CCDC88A: variants seen among roughly 807,000 people sequenced by gnomAD.
CCDC88A encodes coiled-coil and HOOK domain protein 88A, also known as girdin.
CCDC88A carries 54 observed loss-of-function variants against 234.3 expected under a neutral mutation model. The observed-to-expected ratio is 0.23, with a 90% CI of 0.19 to 0.29. CCDC88A has a LOEUF of 0.29. CCDC88A is among the 10% of genes least tolerant of loss of function. The pLI is 1.00. For synonymous variants in CCDC88A, 753 were observed against 737.8 expected, an observed-to-expected ratio of 1.02 and a Z score of -0.33; for missense variants, 1,832 against 2,123.4, an observed-to-expected ratio of 0.86 and a Z score of 2.70.
In CCDC88A at chr2:55,317,468, AAACT is replaced by A. The variant is rs1482410245; in HGVS notation, c.3602+92_3602+95del. The A allele has an allele frequency of 5.4e-6, 6 of 1,117,766 alleles. No individual in the cohort carries two copies. In the Admixed American group the frequency reaches 8.0e-5, roughly 15 times the overall value. 69.2% of individuals were successfully genotyped at this position (1,117,766 alleles called of 1,614,324 possible). A position where few individuals can be genotyped will look rare whatever the true frequency, so the allele number is the denominator to read the frequency against. On this transcript the variant is annotated intron_variant, in intron 20 of 32. Coordinates refer to ENST00000436346, the MANE Select transcript of CCDC88A (RefSeq NM_001365480.1). The surrounding 1 kb of genome is among the most constrained non-coding windows in gnomAD (Gnocchi z 4.2). ...GTAAATTTATATAAATTTCTTATGT[AAACT>A]AACATTAGATGTGTTTAATATATAA...
intron 2 of CCDC88A, among the ~76,000 whole-genome samples, chr2:55,391,003 A>C (rs1574426953): frequency 6.6e-6 from 1 of 152,294 alleles, no homozygotes; most frequent in South Asian, 2.1e-4. Flanking sequence ...AAACCAAGAA[A>C]ATTTTGGCTA....
intron 25 of CCDC88A, among the ~76,000 whole-genome samples, chr2:55,304,949 T>A (rs1681358613): frequency 6.6e-6 from 1 of 152,222 alleles, no homozygotes; most frequent in Admixed American, 6.5e-5. Context: ...GTATCATTTA[T>A]TAGAGAGAGT....
At position 55,375,469 on chromosome 2, in the gene CCDC88A, CTATATATATATATATATATATATATA is replaced by C. The variant is rs869279076; in HGVS notation, c.274-612_274-587del. Among the ~76,000 whole-genome samples the C allele has an allele frequency of 3.8e-3, 102 of 26,612 alleles. 3 individuals carry two copies. Among genetic ancestry groups the C allele is most frequent in the African/African-American group, 8.4e-3 (93 of 11,016 alleles). 17.5% of individuals were successfully genotyped at this position (26,612 alleles called of 152,430 possible). On this transcript the variant is annotated intron_variant, in intron 3 of 32. Coordinates refer to ENST00000436346, the MANE Select transcript of CCDC88A (RefSeq NM_001365480.1). ...CAAATTTATAAGTACTGTCACTGTACTATATATATATATATATATATATATATATATATATATATATATGTATGTAT... is the reference window on the plus strand; with the variant it reads ...CAAATTTATAAGTACTGTCACTGTACTATATATATATATATATGTATGTAT...
chr2:55,300,993 T>C (rs1482585285), intron 28 of CCDC88A: 4 of 488,736 alleles, frequency 8.2e-6, no homozygotes, highest in Non-Finnish European at 1.4e-5. Context: ...ATAAATGACC[T>C]TGGCTAAAAC....
intron 9 of CCDC88A, among the ~76,000 whole-genome samples, chr2:55,346,909 T>C (rs920454544): frequency 1.3e-5 from 2 of 152,154 alleles, no homozygotes; most frequent in East Asian, 1.9e-4. Flanking sequence ...TATATATACA[T>C]TTATGCTCAT....
chr2:55,294,611 G>GA (rs1272983363), intron 31 of CCDC88A: 1 of 967,502 alleles, frequency 1.0e-6, no homozygotes. Context: ...CATTCTGGAA[G>GA]AAAAAAAGGA....
chr2:55,410,887 T>C (rs1459012853), intron 2 of CCDC88A, among the ~76,000 whole-genome samples: 2 of 126,914 alleles, frequency 1.6e-5, no homozygotes, highest in South Asian at 2.7e-4. Context: ...AGAGAGGCCT[T>C]GTCTCAAAAA....
chr2:55,406,334 T>G (rs1291749814), intron 2 of CCDC88A, among the ~76,000 whole-genome samples: 2 of 152,210 alleles, frequency 1.3e-5, no homozygotes, highest in African/African-American at 4.8e-5. Context: ...TCAAGTTAAC[T>G]GGGATATTAC....
At position 55,375,491 on chromosome 2, in the gene CCDC88A, A is replaced by T. The variant is rs918548829; in HGVS notation, c.274-608T>A. On this transcript the variant is annotated intron_variant, in intron 3 of 32. Transcript: ENST00000436346. ...GTACTATATATATATATATATATATATATATATATATATATATATATGTAT... is the reference window on the plus strand; with the variant it reads ...GTACTATATATATATATATATATATTTATATATATATATATATATATGTAT... Among the ~76,000 whole-genome samples, 3 of 27,158 alleles carry T rather than the reference A, an allele frequency of 1.1e-4. No homozygotes were observed. The Admixed American group carries it at 2.3e-3, about 21-fold the overall frequency. The allele number at this position is 27,158 out of a possible 152,430, so 17.8% of individuals were successfully genotyped here.
chr2:55,384,170 A>T (rs1675067780), intron 3 of CCDC88A, among the ~76,000 whole-genome samples: 1 of 151,964 alleles, frequency 6.6e-6, no homozygotes, highest in Non-Finnish European at 1.5e-5. Context: ...ACAAAGACAG[A>T]CCTTGTTTCA....
intron 29 of CCDC88A, among the ~76,000 whole-genome samples, chr2:55,297,405 CAT>C (rs1391004928): frequency 4.2e-5 from 1 of 23,746 alleles, no homozygotes; most frequent in Non-Finnish European, 1.1e-4. Flanking sequence ...TATAAATATA[CAT>C]ATGTGTGTAT....
At chr2:55,395,221 T>G (rs1231581053) in intron 2 of CCDC88A, among the ~76,000 whole-genome samples, 1 of 152,148 alleles carries the variant, frequency 6.6e-6, no homozygotes, top group Non-Finnish European at 1.5e-5. Flanking sequence ...CAAGTGATCC[T>G]CCTGCCTCAG....
At chr2:55,303,030 T>C (rs1437515180) in intron 26 of CCDC88A, 39 bp downstream of exon 26, 1 of 1,204,940 alleles carries the variant, frequency 8.3e-7, no homozygotes, top group South Asian at 1.3e-5. Flanking sequence ...AAAGCCAGTG[T>C]AGTCAGTTGA....
chr2:55,303,062 G>T lies in CCDC88A; in HGVS notation c.4471+7C>A. The T allele has an allele frequency of 1.3e-6, 2 of 1,530,514 alleles. No homozygotes were observed. Among genetic ancestry groups the T allele is most frequent in the Non-Finnish European group, 1.8e-6 (2 of 1,127,578 alleles). 94.8% of individuals were successfully genotyped at this position (1,530,514 alleles called of 1,614,324 possible). A position where few individuals can be genotyped will look rare whatever the true frequency, so the allele number is the denominator to read the frequency against. On this transcript the variant is annotated splice_region_variant and intron_variant, in intron 26 of 32. Transcript: ENST00000436346. ...TTGAAAGAAGCTGAACTGTCATAAA[G>T]TCTTACACATGGAACGACGGTAGCA...
At chr2:55,388,230 A>G (rs7600669) in intron 3 of CCDC88A, among the ~76,000 whole-genome samples, 22,734 of 152,250 alleles carry the variant, frequency 0.15, 2,187 homozygotes, top group Non-Finnish European at 0.22. Flanking sequence ...TTACTTGAAA[A>G]ATACCATGTT....
rs1198767052 is a variant in CCDC88A, at chr2:55,355,686, T to G, written c.693A>C (p.Ala231=). Reference sequence around the variant, plus strand: ...TGCCTGGAGAACCACAGGGTGACTGTGCAGATGAAGAGGCATGGGGTAGAA... The same window carrying G: ...TGCCTGGAGAACCACAGGGTGACTGGGCAGATGAAGAGGCATGGGGTAGAA... ...LHFLPHASSS[A]QSPCGSPGMK... The change falls in exon 8 of 33, where the codon GCA becomes GCC. Residue 231 remains alanine (A), a synonymous_variant. Transcript: ENST00000436346. The G allele has an allele frequency of 1.2e-6, 2 of 1,613,982 alleles. No individual in the cohort carries two copies. The highest frequency in any genetic ancestry group is 1.7e-6 in the Non-Finnish European group (2 of 1,179,958).
At chr2:55,350,820 T>C (rs1395353433) in intron 8 of CCDC88A, among the ~76,000 whole-genome samples, 73 of 151,922 alleles carry the variant, frequency 4.8e-4, no homozygotes, top group Non-Finnish European at 1.6e-4. Context: ...CCACCACTTC[T>C]GGCTAATTTT....
At chr2:55,393,287 GGGTT>G (rs1676954915) in intron 2 of CCDC88A, among the ~76,000 whole-genome samples, 1 of 74,176 alleles carries the variant, frequency 1.3e-5, no homozygotes, top group Non-Finnish European at 2.7e-5. Flanking sequence ...TTGGTTTTTT[GGGTT>G]TTTTTTTTTT....
intron 31 of CCDC88A, chr2:55,293,792 G>GT (rs1449190942): frequency 3.3e-5 from 5 of 151,942 alleles, no homozygotes; most frequent in South Asian, 2.1e-4. Context: ...AGGGTTATGG[G>GT]TTTTTTTGTT....
Sources: allele counts gnomAD v4.1 joint callset (sites outside exome capture counted in the v4.1 genomes callset), GRCh38; gene constraint gnomAD v4.1.1; non-coding constraint Gnocchi (gnomAD v3.1); transcripts MANE v1.5; gene names NCBI Gene and HGNC (gene_info 2026-07-23, HGNC 2026-07-21).